The following KAZN variants were observed in gnomAD, a reference collection of about 807,000 sequenced individuals.
KAZN encodes kazrin.
KAZN carries 40 observed loss-of-function variants against 87.4 expected under a neutral mutation model. The ratio of observed to expected loss-of-function variants is 0.46; its 90% CI spans 0.36 to 0.60. KAZN has a LOEUF of 0.60. Ranked by LOEUF, KAZN falls within the 20% of genes least tolerant of loss-of-function variation. The pLI is 0.00. For synonymous variants in KAZN, 466 were observed against 458.3 expected, an observed-to-expected ratio of 1.02 and a Z score of -0.22; for missense variants, 898 against 1,073.9, an observed-to-expected ratio of 0.84 and a Z score of 2.29.
At chr1:14,990,973 G>A (rs964576150) in intron 2 of KAZN, among the ~76,000 whole-genome samples, 3 of 151,528 alleles carry the variant, frequency 2.0e-5, no homozygotes, top group African/African-American at 7.3e-5. Context: ...AAAGGTGGGG[G>A]TGATGTGTCT....
chr1:15,018,748 G>A (rs1670372718), intron 2 of KAZN, among the ~76,000 whole-genome samples: 1 of 152,130 alleles, frequency 6.6e-6, no homozygotes, highest in Non-Finnish European at 1.5e-5. Context: ...ACGGTGTCTG[G>A]TTGATGCTGA....
intron 1 of KAZN, among the ~76,000 whole-genome samples, chr1:14,147,940 C>T (rs1261677336): frequency 1.3e-5 from 2 of 152,152 alleles, no homozygotes; most frequent in Non-Finnish European, 2.9e-5. Context: ...AACGTAGGCA[C>T]CAGGTGTGGT....
intron 1 of KAZN, among the ~76,000 whole-genome samples, chr1:14,056,649 G>T (rs1642573372): frequency 6.6e-6 from 1 of 152,224 alleles, no homozygotes; most frequent in Admixed American, 6.5e-5. Context: ...CCGATAAGGA[G>T]ACCGAAGTTC....
rs527321636 is a variant in KAZN at position 14,923,467 on chromosome 1, G to T, written c.227-37217G>T. Among the ~76,000 whole-genome samples, 7 of 152,274 alleles carry T rather than the reference G, an allele frequency of 4.6e-5. No homozygotes were observed. In the South Asian group the frequency reaches 1.2e-3, roughly 27 times the overall value. ...CACTGTTCCCCCACCCACTCCCAGG[G>T]TCCAGGCTCTGGCCTCCCCTGCCAA... is the stretch of plus-strand genomic sequence containing the variant. On this transcript the variant is annotated intron_variant, in intron 1 of 14. Coordinates refer to ENST00000376030, the MANE Select transcript of KAZN (RefSeq NM_201628.3). This position sits in a 1 kb window ranked among gnomAD's most constrained non-coding sequence, Gnocchi z 4.2.
intron 2 of KAZN, among the ~76,000 whole-genome samples, chr1:14,199,751 A>G (rs1185902337): frequency 1.3e-5 from 2 of 152,214 alleles, no homozygotes; most frequent in Non-Finnish European, 2.9e-5. Flanking sequence ...CAGCAAAGAC[A>G]TATTCAGAAA....
chr1:14,623,070 A>G (rs747487108), intron 1 of KAZN, among the ~76,000 whole-genome samples: 39 of 152,358 alleles, frequency 2.6e-4, no homozygotes, highest in Non-Finnish European at 4.6e-4. Context: ...AGAAAATCGT[A>G]AAACAGAATG....
chr1:14,265,408 C>G (rs1003255947), intron 2 of KAZN, among the ~76,000 whole-genome samples: 1 of 152,172 alleles, frequency 6.6e-6, no homozygotes, highest in African/African-American at 2.4e-5. Context: ...TGGAGAGAGA[C>G]CCCACAAACT....
At chr1:14,625,011 A>AT (rs1679022540) in intron 1 of KAZN, among the ~76,000 whole-genome samples, 1 of 152,084 alleles carries the variant, frequency 6.6e-6, no homozygotes, top group Non-Finnish European at 1.5e-5. Context: ...TCCCAGATAA[A>AT]TTGCTGGTCT....
chr1:14,084,665 T>C (rs142701920), intron 1 of KAZN, among the ~76,000 whole-genome samples: 2,566 of 147,958 alleles, frequency 0.017, 35 homozygotes, highest in Non-Finnish European at 0.027. Context: ...TAAAACCTAA[T>C]TGGCCATCTT....
intron 2 of KAZN, among the ~76,000 whole-genome samples, chr1:14,375,191 C>T (rs1263071020): frequency 6.6e-6 from 1 of 152,174 alleles, no homozygotes; most frequent in African/African-American, 2.4e-5. Context: ...GAATTCAGCA[C>T]ACTGTCTTTT....
rs1450704964 is a variant in KAZN, at chr1:14,080,997, A to T, written c.92-99438A>T. On this transcript the variant is annotated intron_variant, in intron 1 of 16. Transcript: ENST00000636203. ...CATATTGATGTGTTAACAGTTTGAG[A>T]CCCTTCCCCTAAGAAAACCTTTTAG... Among the ~76,000 whole-genome samples, 7 of 152,196 alleles carry T rather than the reference A, an allele frequency of 4.6e-5. No individual in the cohort carries two copies. In the East Asian group the frequency reaches 1.4e-3, roughly 29 times the overall value.
intron 2 of KAZN, among the ~76,000 whole-genome samples, chr1:14,258,140 G>A (rs920820302): frequency 1.4e-3 from 127 of 90,954 alleles, no homozygotes; most frequent in African/African-American, 3.6e-3. Flanking sequence ...ACCCTCCACC[G>A]TCCCAAAACT....
At chr1:13,923,581 A>AAAG (rs1553174040) in intron 1 of KAZN, among the ~76,000 whole-genome samples, 3 of 145,090 alleles carry the variant, frequency 2.1e-5, no homozygotes, top group Non-Finnish European at 3.0e-5. Flanking sequence ...TCAAAAAAAA[A>AAAG]AAAAAAAAAA....
At position 14,769,356 on chromosome 1, in the gene KAZN, T is replaced by C. The variant is rs910872958; in HGVS notation, c.226+170133T>C. Among the ~76,000 whole-genome samples the C allele has an allele frequency of 6.6e-6, 1 of 151,970 alleles. No homozygotes were observed. The highest frequency in any genetic ancestry group is 2.4e-5 in the African/African-American group (1 of 41,384). On this transcript the variant is annotated intron_variant, in intron 1 of 14. Transcript: ENST00000376030. This position sits in a 1 kb window ranked among gnomAD's most constrained non-coding sequence, Gnocchi z 4.1. ...TGGTCAGATTTTTCACCCTTGCAGGTCTTTTTTCTTTTCTTGAGACGGAGT... is the reference window on the plus strand; with the variant it reads ...TGGTCAGATTTTTCACCCTTGCAGGCCTTTTTTCTTTTCTTGAGACGGAGT...
At chr1:14,831,977 C>T (rs1213615213) in intron 1 of KAZN, among the ~76,000 whole-genome samples, 1 of 152,090 alleles carries the variant, frequency 6.6e-6, no homozygotes, top group Non-Finnish European at 1.5e-5. Context: ...GGTGAATCAC[C>T]TGAGATCAGG....
intron 1 of KAZN, among the ~76,000 whole-genome samples, chr1:14,051,306 G>A (rs1642316611): frequency 6.6e-6 from 1 of 152,066 alleles, no homozygotes; most frequent in Admixed American, 6.5e-5. Context: ...AACTGAACTG[G>A]GCAGGCCAAG....
At chr1:14,027,369 C>T (rs1188796960) in intron 1 of KAZN, among the ~76,000 whole-genome samples, 2 of 152,180 alleles carry the variant, frequency 1.3e-5, no homozygotes, top group East Asian at 3.9e-4. Flanking sequence ...ATGCTAATGC[C>T]ATAGCTCCCT....
chr1:14,438,698 C>A (rs1363264072), intron 2 of KAZN, among the ~76,000 whole-genome samples: 1 of 152,160 alleles, frequency 6.6e-6, no homozygotes, highest in South Asian at 2.1e-4. Flanking sequence ...GGCTTGTCAG[C>A]CACTGGAAGG....
intron 2 of KAZN, among the ~76,000 whole-genome samples, chr1:14,333,434 G>A (rs531878101): frequency 1.3e-5 from 2 of 152,170 alleles, no homozygotes; most frequent in South Asian, 4.1e-4. Context: ...GCTCCAGCAT[G>A]ATGGACAAGG....
Sources: allele counts gnomAD v4.1 joint callset (sites outside exome capture counted in the v4.1 genomes callset), GRCh38; gene constraint gnomAD v4.1.1; non-coding constraint Gnocchi (gnomAD v3.1); transcripts MANE v1.5; gene names NCBI Gene and HGNC (gene_info 2026-07-23, HGNC 2026-07-21).